The following SYNPR variants were observed in gnomAD, a reference collection of about 807,000 sequenced individuals.
SYNPR encodes the protein synaptoporin.
Under a neutral mutation model 32.9 loss-of-function variants are expected in SYNPR, and 23 were observed. The ratio of observed to expected loss-of-function variants is 0.70; its 90% confidence interval spans 0.50 to 0.99. The LOEUF (loss-of-function observed/expected upper bound fraction) is 0.99, where lower values mean the gene tolerates loss of function less well. SYNPR is among the 50% of genes least tolerant of loss of function. The probability of loss-of-function intolerance (pLI) is 0.00; values close to 1 mark genes in which losing one functional copy is unlikely to be tolerated. For missense variants in SYNPR, 318 were observed against 349.3 expected (o/e 0.91, Z 0.71); for synonymous variants, 146 against 135.9 (o/e 1.07, Z -0.52).
the SYNPR span, among the ~76,000 whole-genome samples, chr3:63,206,079 G>T: frequency 7.2e-5 from 11 of 151,880 alleles, no homozygotes; most frequent in Non-Finnish European, 1.3e-4. Flanking sequence ...TTCCTTTTTT[G>T]CTTGTATGCA....
At chr3:63,592,332 T>C (rs1255968720) in intron 4 of SYNPR, among the ~76,000 whole-genome samples, 7 of 152,168 alleles carry the variant, frequency 4.6e-5, no homozygotes. Context: ...GATAATTTTA[T>C]AGCAGTACTA....
At chr3:63,374,918 C>A (rs541154933) in intron 2 of SYNPR, among the ~76,000 whole-genome samples, 4 of 152,166 alleles carry the variant, frequency 2.6e-5, no homozygotes, top group Non-Finnish European at 4.4e-5. Context: ...ATTTCTGAGG[C>A]CTCTGTTCTG....
At chr3:63,256,355 C>G (rs2086383459) in intron 2 of SYNPR, among the ~76,000 whole-genome samples, 1 of 152,180 alleles carries the variant, frequency 6.6e-6, no homozygotes, top group Non-Finnish European at 1.5e-5. Flanking sequence ...TGGCCGGGTA[C>G]TCCTCTGAGA....
chr3:63,317,981 T>G (rs1172210774), intron 2 of SYNPR, among the ~76,000 whole-genome samples: 1 of 152,076 alleles, frequency 6.6e-6, no homozygotes, highest in African/African-American at 2.4e-5. Context: ...TTTGTTTGTC[T>G]GAAAATGACT....
intron 2 of SYNPR, among the ~76,000 whole-genome samples, chr3:63,470,598 A>G (rs1481076591): frequency 2.6e-5 from 4 of 152,212 alleles, no homozygotes; most frequent in Non-Finnish European, 5.9e-5. Flanking sequence ...TGTTTCCTTT[A>G]TAATATGACT....
chr3:63,575,664 A>G (rs1331512749), intron 4 of SYNPR, among the ~76,000 whole-genome samples: 1 of 152,196 alleles, frequency 6.6e-6, no homozygotes, highest in Non-Finnish European at 1.5e-5. Context: ...TAATCAAAAA[A>G]ACATGGAAAA....
intron 4 of SYNPR, among the ~76,000 whole-genome samples, chr3:63,593,743 A>G (rs1226671240): frequency 1.3e-5 from 2 of 152,204 alleles, no homozygotes; most frequent in African/African-American, 4.8e-5. Context: ...GTAACAGAAG[A>G]ACATCAGCAT....
intron 2 of SYNPR, among the ~76,000 whole-genome samples, chr3:63,253,719 G>A (rs1368569381): frequency 6.6e-6 from 1 of 152,072 alleles, no homozygotes; most frequent in Non-Finnish European, 1.5e-5. Flanking sequence ...ACTGTTGGTG[G>A]GACTGTAAAC....
intron 3 of SYNPR, among the ~76,000 whole-genome samples, chr3:63,553,835 C>T (rs1037132245): frequency 6.6e-6 from 1 of 152,192 alleles, no homozygotes; most frequent in African/African-American, 2.4e-5. Flanking sequence ...GATTCTCCTG[C>T]CTCAGCCTCC....
At chr3:63,567,496 C>T (rs1045533338) in intron 4 of SYNPR, among the ~76,000 whole-genome samples, 1 of 152,130 alleles carries the variant, frequency 6.6e-6, no homozygotes, top group African/African-American at 2.4e-5. Flanking sequence ...GAATTTATTT[C>T]CTTGAATCCA....
At chr3:63,393,010 T>C (rs2088159446) in intron 2 of SYNPR, among the ~76,000 whole-genome samples, 1 of 152,218 alleles carries the variant, frequency 6.6e-6, no homozygotes, top group Non-Finnish European at 1.5e-5. Flanking sequence ...GAAAACTAAA[T>C]GGTGTGGATG....
intron 2 of SYNPR, among the ~76,000 whole-genome samples, chr3:63,461,946 A>G (rs1338259583): frequency 2.0e-5 from 3 of 152,068 alleles, no homozygotes; most frequent in East Asian, 3.9e-4. Flanking sequence ...TAAGTATTTT[A>G]TTATTAATAA....
At chr3:63,267,802 G>A (rs112381026) in intron 3 of SYNPR, among the ~76,000 whole-genome samples, 680 of 152,086 alleles carry the variant, frequency 4.5e-3, no homozygotes, top group African/African-American at 0.014. Flanking sequence ...TTAAATGACC[G>A]TACACCTTTT....
rs544616263 is a variant in SYNPR, at chr3:63,583,916, G to T, written c.409-25209G>T. ...TTGTCTCCTGGATTAAGGTGAGGAAGAATGAATTTTCCATGATCTAAGAAC... is the reference window on the plus strand; with the variant it reads ...TTGTCTCCTGGATTAAGGTGAGGAATAATGAATTTTCCATGATCTAAGAAC... On this transcript the variant is annotated intron_variant, in intron 4 of 5. Coordinates refer to ENST00000478300, the MANE Select transcript of SYNPR (RefSeq NM_001130003.2). Among the ~76,000 whole-genome samples the T allele has an allele frequency of 2.0e-5, 3 of 152,196 alleles. No individual in the cohort carries two copies. The South Asian group carries it at 6.2e-4, about 32-fold the overall frequency.
chr3:63,243,965 A>T (rs74921213), intron 1 of SYNPR, among the ~76,000 whole-genome samples: 334 of 152,258 alleles, frequency 2.2e-3, no homozygotes, highest in African/African-American at 7.6e-3. Flanking sequence ...AGATTCTTAT[A>T]TCAGGGAAAA....
At chr3:63,328,994 TGAGA>T (rs2087195802) in intron 2 of SYNPR, among the ~76,000 whole-genome samples, 1 of 152,192 alleles carries the variant, frequency 6.6e-6, no homozygotes, top group African/African-American at 2.4e-5. Context: ...AAATCTAGCC[TGAGA>T]GTTATCTCAG....
chr3:63,593,369 G>T (rs547030405), intron 4 of SYNPR, among the ~76,000 whole-genome samples: 2 of 152,180 alleles, frequency 1.3e-5, no homozygotes, highest in African/African-American at 4.8e-5. Context: ...ATTGCAGAAA[G>T]CTATTGAAGA....
At chr3:63,280,394 A>G (rs1194062606) in intron 2 of SYNPR, among the ~76,000 whole-genome samples, 1 of 152,172 alleles carries the variant, frequency 6.6e-6, no homozygotes, top group Non-Finnish European at 1.5e-5. Context: ...TATCCATGTT[A>G]TAATTGGAGA....
At chr3:63,481,450 T>TG (rs1701046367) in intron 3 of SYNPR, among the ~76,000 whole-genome samples, 1 of 90,664 alleles carries the variant, frequency 1.1e-5, no homozygotes, top group African/African-American at 5.6e-5. Context: ...TATATATATA[T>TG]ATGTGTGTGT....
Sources: gnomAD v4.1 joint callset for allele counts (sites outside exome capture counted in the v4.1 genomes callset) on GRCh38, gnomAD v4.1.1 for gene constraint, MANE v1.5 for transcripts, NCBI Gene and HGNC (gene_info 2026-07-23, HGNC 2026-07-21) for gene names.